Variants in SYT16 observed in about 807,000 individuals in gnomAD.
SYT16 encodes synaptotagmin-16.
A neutral mutation model predicts 61.4 loss-of-function variants in SYT16; 42 were observed. The ratio of observed to expected loss-of-function variants is 0.68; its 90% CI spans 0.53 to 0.89. SYT16 has a LOEUF of 0.89. SYT16 is among the 40% of genes least tolerant of loss of function. The pLI is 0.00. For missense variants in SYT16, 804 were observed against 807.3 expected (o/e 1.00, Z 0.05); for synonymous variants, 314 against 302.3 (o/e 1.04, Z -0.40).
At chr14:61,952,451 G>C (rs2050710267) in intron 1 of SYT16, among the ~76,000 whole-genome samples, 1 of 152,130 alleles carries the variant, frequency 6.6e-6, no homozygotes, top group Non-Finnish European at 1.5e-5. Context: ...TGCTGCTTCT[G>C]AGCCTACATC....
In SYT16 at chr14:62,105,776, G is replaced by A. The variant is rs942809864; in HGVS notation, c.*5069G>A. ...TAACCAGGTGCCATGAGTCAGTCATGTGCTACTTGTGGTTTTAAACGAAAC... is the reference window on the plus strand; with the variant it reads ...TAACCAGGTGCCATGAGTCAGTCATATGCTACTTGTGGTTTTAAACGAAAC... On this transcript the variant is annotated 3_prime_UTR_variant, in exon 8 of 8. Coordinates refer to ENST00000683842, the MANE Select transcript of SYT16 (RefSeq NM_001367656.1). 1 of 152,214 alleles carries A rather than the reference G, an allele frequency of 6.6e-6. No individual in the cohort carries two copies. Among genetic ancestry groups the A allele is most frequent in the Non-Finnish European group, 1.5e-5 (1 of 68,034 alleles). The allele number at this position is 152,214 out of a possible 1,614,324, so 9.4% of individuals were successfully genotyped here.
intron 1 of SYT16, among the ~76,000 whole-genome samples, chr14:61,831,532 C>T (rs549507525): frequency 1.3e-5 from 2 of 152,276 alleles, no homozygotes; most frequent in Non-Finnish European, 2.9e-5. Context: ...TCTTAGTCAT[C>T]TCTTTGAGTA....
chr14:62,086,107 C>T (rs1270041583), intron 7 of SYT16, among the ~76,000 whole-genome samples: 1 of 152,158 alleles, frequency 6.6e-6, no homozygotes, highest in South Asian at 2.1e-4. Context: ...AGAGGTACAT[C>T]ATCGTGCTTG....
chr14:61,870,855 C>T (rs946813624), intron 1 of SYT16, among the ~76,000 whole-genome samples: 13 of 152,026 alleles, frequency 8.6e-5, no homozygotes, highest in Non-Finnish European at 1.5e-4. Flanking sequence ...TTATAATAGC[C>T]GTTTTAACTA....
At chr14:61,886,163 A>G (rs1046677610) in intron 1 of SYT16, among the ~76,000 whole-genome samples, 1 of 151,802 alleles carries the variant, frequency 6.6e-6, no homozygotes, top group Non-Finnish European at 1.5e-5. Context: ...ATGGAGTTTC[A>G]CCATGTTGGC....
At position 61,952,070 on chromosome 14, in the gene SYT16, G is replaced by T. The variant is rs184108869; in HGVS notation, c.-324-18062G>T. 2.9e-3 allele frequency among the ~76,000 whole-genome samples: 444 copies of T among 152,078 alleles called. 3 individuals carry two copies. The highest frequency in any genetic ancestry group is 0.01 in the African/African-American group (424 of 41,494). ...CACAAAGTGTTGGGATTATAGGCAT[G>T]AGCCACTGTGCCTGGCCATTAAGTT... On this transcript the variant is annotated intron_variant, in intron 1 of 7. Coordinates refer to ENST00000683842, the MANE Select transcript of SYT16 (RefSeq NM_001367656.1).
At chr14:61,913,704 T>TTGTGTG (rs56758661) in intron 1 of SYT16, among the ~76,000 whole-genome samples, 7,328 of 145,784 alleles carry the variant, frequency 0.05, 247 homozygotes, top group African/African-American at 0.079. Context: ...CTTTGGGTCT[T>TTGTGTG]TGTGTGTGTG....
chr14:61,842,791 G>A (rs929448676), intron 1 of SYT16, among the ~76,000 whole-genome samples: 2 of 150,520 alleles, frequency 1.3e-5, no homozygotes, highest in South Asian at 4.2e-4. Flanking sequence ...GGGGGGAGCG[G>A]GGAGGGATAG....
At chr14:62,045,375 A>G (rs1367757272) in intron 3 of SYT16, among the ~76,000 whole-genome samples, 1 of 152,040 alleles carries the variant, frequency 6.6e-6, no homozygotes, top group Admixed American at 6.6e-5. Context: ...GGGGTATGTT[A>G]AGTCTTTTGG....
chr14:61,843,567 G>A (rs1312221073), intron 1 of SYT16, among the ~76,000 whole-genome samples: 1 of 152,126 alleles, frequency 6.6e-6, no homozygotes, highest in Non-Finnish European at 1.5e-5. Flanking sequence ...AATCTATTTT[G>A]ATTAGATTTT....
chr14:61,902,346 A>G (rs1050192245), intron 1 of SYT16, among the ~76,000 whole-genome samples: 2 of 152,196 alleles, frequency 1.3e-5, no homozygotes, highest in African/African-American at 4.8e-5. Flanking sequence ...GCGCCTGATA[A>G]AAGTCCTGAT....
At chr14:62,088,691 A>G (rs867228395) in intron 7 of SYT16, among the ~76,000 whole-genome samples, 1 of 152,338 alleles carries the variant, frequency 6.6e-6, no homozygotes, top group Middle Eastern at 3.4e-3. Flanking sequence ...AGCATTGAAG[A>G]GCAACAATGG....
chr14:62,013,632 C>T (rs1375444947), intron 3 of SYT16, among the ~76,000 whole-genome samples: 2 of 152,182 alleles, frequency 1.3e-5, no homozygotes, highest in East Asian at 3.8e-4. Flanking sequence ...TTCCTCCCCA[C>T]CTCCTTCAAC....
intron 1 of SYT16, among the ~76,000 whole-genome samples, chr14:61,823,442 A>G (rs1201687446): frequency 6.6e-6 from 1 of 151,944 alleles, no homozygotes; most frequent in African/African-American, 2.4e-5. Context: ...GAAAAGCATG[A>G]TAGAGGCTGG....
intron 1 of SYT16, chr14:61,865,158 A>G (rs2047106605): frequency 8.1e-7 from 1 of 1,231,954 alleles, no homozygotes; most frequent in Non-Finnish European, 1.2e-6. Flanking sequence ...CGCTCCCTGC[A>G]GTTACTGGGC....
intron 1 of SYT16, among the ~76,000 whole-genome samples, chr14:61,904,361 C>T (rs568088421): frequency 9.4e-4 from 143 of 152,302 alleles, no homozygotes; most frequent in Admixed American, 1.8e-3. Context: ...ATGCCAGCTT[C>T]CTTTCAGGGC....
intron 2 of SYT16, among the ~76,000 whole-genome samples, chr14:61,985,290 T>C (rs1224032768): frequency 2.6e-5 from 4 of 152,192 alleles, no homozygotes; most frequent in Non-Finnish European, 5.9e-5. Context: ...ATCAAACAGT[T>C]GTTAGCACTG....
rs373408601 is a variant in SYT16 at position 61,876,823 on chromosome 14, C to G, written c.-325+64013C>G. ...AGCAGGGGCTGAGCCGTAAAGGAAA[C>G]AGGGAATTCAATTATTCCAGCCTGA... On this transcript the variant is annotated intron_variant, in intron 1 of 7. Coordinates refer to ENST00000683842, the MANE Select transcript of SYT16 (RefSeq NM_001367656.1). Among the ~76,000 whole-genome samples the G allele has an allele frequency of 2.6e-5, 4 of 152,304 alleles. No individual in the cohort carries two copies. In the South Asian group the frequency reaches 6.2e-4, roughly 24 times the overall value.
intron 1 of SYT16, chr14:61,865,320 C>G (rs2047112290): frequency 1.4e-6 from 1 of 717,496 alleles, no homozygotes; most frequent in Admixed American, 1.9e-5. Flanking sequence ...ATGCGGAGAG[C>G]CTGAAGCTCT....
Sources: gnomAD v4.1 joint callset for allele counts (sites outside exome capture counted in the v4.1 genomes callset) on GRCh38, gnomAD v4.1.1 for gene constraint, MANE v1.5 for transcripts, NCBI Gene and HGNC (gene_info 2026-07-23, HGNC 2026-07-21) for gene names.